Variants in FLACC1 observed in about 807,000 individuals in gnomAD.
FLACC1 encodes flagellum associated containing coiled-coil domains 1.
FLACC1 carries 66 observed loss-of-function variants against 62.8 expected under a neutral mutation model. The ratio of observed to expected loss-of-function variants is 1.05; its 90% CI spans 0.86 to 1.29. The LOEUF (loss-of-function observed/expected upper bound fraction) is 1.29, where lower values mean the gene tolerates loss of function less well. FLACC1 is among the 50% of genes most tolerant of loss of function. The pLI, the probability that FLACC1 is intolerant of heterozygous loss-of-function variation, is 0.00. For synonymous variants in FLACC1, 156 were observed against 161.0 expected (o/e 0.97, Z 0.24); for missense variants, 452 against 489.1 (o/e 0.92, Z 0.71).
At position 201,301,692 on chromosome 2, in the gene FLACC1, T is replaced by A. The variant is rs554998276; in HGVS notation, c.880-2392A>T. Reference sequence around the variant, plus strand: ...AGGGCAGCCAGAGAGAAAGGTTGGGTTACCCACAAAGGGAAGCCCATCAGA... The same window carrying A: ...AGGGCAGCCAGAGAGAAAGGTTGGGATACCCACAAAGGGAAGCCCATCAGA... On this transcript the variant is annotated intron_variant, in intron 11 of 14. Coordinates refer to ENST00000392257, the MANE Select transcript of FLACC1 (RefSeq NM_001127391.3). 3.2e-3 allele frequency among the ~76,000 whole-genome samples: 489 copies of A among 152,274 alleles called. 8 individuals are homozygous for A. Among genetic ancestry groups the A allele is most frequent in the Admixed American group, 0.027 (413 of 15,294 alleles).
At chr2:201,301,709 C>G (rs1381977587) in intron 11 of FLACC1, among the ~76,000 whole-genome samples, 1 of 152,196 alleles carries the variant, frequency 6.6e-6, no homozygotes, top group Admixed American at 6.5e-5. Context: ...CAAAGGGAAG[C>G]CCATCAGACT....
Position 201,350,713 on chromosome 2 carries a change from T to A in FLACC1, c.183A>T (p.Pro61=), listed in dbSNP as rs760148182. The A allele has an allele frequency of 6.5e-7, 1 of 1,532,500 alleles. No individual in the cohort carries two copies. The highest frequency in any genetic ancestry group is 2.4e-5 in the East Asian group (1 of 42,300). 94.9% of individuals were successfully genotyped at this position (1,532,500 alleles called of 1,614,324 possible). The change falls in exon 3 of 15, where the codon CCA becomes CCT. Residue 61 remains proline, a splice_region_variant and synonymous_variant. Coordinates refer to ENST00000392257, the MANE Select transcript of FLACC1 (RefSeq NM_001127391.3). ...AAACAAAACAAAACAATACTTACTT[T>A]GGGGAAACAACAGGTTTTGTTGGTT... ...YLQPTKPVVS[P]KMKIHSARQE... is the part of the protein sequence containing the mutation.
intron 9 of FLACC1, among the ~76,000 whole-genome samples, chr2:201,323,971 A>G (rs1950456509): frequency 6.6e-6 from 1 of 152,034 alleles, no homozygotes; most frequent in African/African-American, 2.4e-5. Context: ...TATACATAAC[A>G]ATTAACATGA....
At chr2:201,307,466 G>A in intron 11 of FLACC1, 53 bp downstream of exon 11, 1 of 1,383,374 alleles carries the variant, frequency 7.2e-7, no homozygotes, top group Admixed American at 1.7e-5. Flanking sequence ...GGGGACTTGG[G>A]TGTACCACCT....
intron 1 of FLACC1, among the ~76,000 whole-genome samples, chr2:201,353,598 C>CT (rs1203504271): frequency 1.3e-5 from 2 of 151,778 alleles, no homozygotes; most frequent in East Asian, 3.9e-4. Context: ...CTTTTCTTTT[C>CT]TTTTTTCTTT....
chr2:201,297,489 G>C (rs960245633), intron 12 of FLACC1, among the ~76,000 whole-genome samples: 3 of 152,298 alleles, frequency 2.0e-5, no homozygotes, highest in African/African-American at 4.8e-5. Flanking sequence ...TGTGACCAAT[G>C]AGGTGAAGGA....
chr2:201,333,934 T>C (rs1030541029), intron 7 of FLACC1, among the ~76,000 whole-genome samples: 5 of 152,236 alleles, frequency 3.3e-5, no homozygotes, highest in African/African-American at 1.2e-4. Context: ...ATGGGATGGC[T>C]GGATCAAATG....
intron 12 of FLACC1, among the ~76,000 whole-genome samples, chr2:201,296,195 A>G (rs1949856976): frequency 6.6e-6 from 1 of 152,198 alleles, no homozygotes; most frequent in South Asian, 2.1e-4. Context: ...TCATGCTGCT[A>G]TAAAGACACA....
chr2:201,347,593 T>A (rs1302603810), intron 4 of FLACC1, among the ~76,000 whole-genome samples: 1 of 149,264 alleles, frequency 6.7e-6, no homozygotes, highest in African/African-American at 2.5e-5. Context: ...TCCAAAAAAA[T>A]TAATGGAATA....
chr2:201,328,851 A>T (rs1467398494), intron 9 of FLACC1, among the ~76,000 whole-genome samples: 1 of 152,230 alleles, frequency 6.6e-6, no homozygotes, highest in Non-Finnish European at 1.5e-5. Flanking sequence ...GAATTCTAGA[A>T]CTAAATCTAC....
intron 7 of FLACC1, among the ~76,000 whole-genome samples, chr2:201,337,991 G>A (rs904707267): frequency 9.2e-5 from 14 of 152,154 alleles, no homozygotes; most frequent in African/African-American, 3.1e-4. Flanking sequence ...TGGGCAGCAT[G>A]GCCATTTTGG....
chr2:201,290,710 A>G (rs1435013492), intron 12 of FLACC1, among the ~76,000 whole-genome samples: 1 of 152,182 alleles, frequency 6.6e-6, no homozygotes, highest in African/African-American at 2.4e-5. Context: ...TGCACTGAGC[A>G]TGAGCCGAAG....
chr2:201,341,865 T>C (rs1385392966), intron 7 of FLACC1, among the ~76,000 whole-genome samples: 2 of 152,230 alleles, frequency 1.3e-5, no homozygotes, highest in Non-Finnish European at 2.9e-5. Context: ...ATTCTCTGTC[T>C]TTCTGTATTT....
At chr2:201,306,101 A>T (rs958819406) in intron 11 of FLACC1, among the ~76,000 whole-genome samples, 3 of 64,872 alleles carry the variant, frequency 4.6e-5, no homozygotes, top group South Asian at 9.4e-4. Flanking sequence ...AAAAAGAATA[A>T]AAAAAAAAAG....
chr2:201,341,392 C>CAT (rs36018666), intron 7 of FLACC1, among the ~76,000 whole-genome samples: 8,421 of 146,074 alleles, frequency 0.058, 309 homozygotes, highest in Non-Finnish European at 0.081. Context: ...TCATAAGATT[C>CAT]ATATATATAT....
At chr2:201,289,373 C>T in intron 14 of FLACC1, 84 bp downstream of exon 14, 2 of 1,310,956 alleles carry the variant, frequency 1.5e-6, no homozygotes, top group East Asian at 2.3e-5. Flanking sequence ...AGCAGTTGGT[C>T]TATCTTCCTA....
chr2:201,349,996 C>G (rs1169143731), intron 3 of FLACC1, among the ~76,000 whole-genome samples: 2 of 152,220 alleles, frequency 1.3e-5, no homozygotes, highest in Non-Finnish European at 2.9e-5. Context: ...TCTGGCAATT[C>G]TCTAACATCC....
chr2:201,319,432 A>G (rs1950362215), intron 9 of FLACC1, among the ~76,000 whole-genome samples: 1 of 152,186 alleles, frequency 6.6e-6, no homozygotes, highest in African/African-American at 2.4e-5. Flanking sequence ...AGGAAACACC[A>G]TTCTGAACAC....
Position 201,289,513 on chromosome 2 carries a change from A to T in FLACC1, c.1086T>A (p.Thr362=). 6.2e-7 allele frequency: 1 copy of T among 1,614,170 alleles called. No homozygotes were observed. Among genetic ancestry groups the T allele is most frequent in the South Asian group, 1.1e-5 (1 of 91,078 alleles). Residue 362 remains threonine (T), a synonymous_variant, in exon 14 of 15, where the codon ACT becomes ACA. Transcript: ENST00000392257. The part of the protein sequence containing the change: ...EKMLQTKFAE[T]EEKYKHTIQI... ...GTATGGTGTGCTTATACTTTTCTTC[A>T]GTTTCAGCAAACTTGGTTTGAAGCA...
Sources: allele counts gnomAD v4.1 joint callset (sites outside exome capture counted in the v4.1 genomes callset), GRCh38; gene constraint gnomAD v4.1.1; transcripts MANE v1.5; gene names NCBI Gene and HGNC (gene_info 2026-07-23, HGNC 2026-07-21).